The following STKLD1 variants were observed in gnomAD, a reference collection of about 807,000 sequenced individuals.
STKLD1 encodes serine/threonine kinase-like domain-containing protein STKLD1.
In STKLD1, 79 loss-of-function variants were observed where a neutral mutation model predicts 80.4. The observed-to-expected ratio is 0.98, with a 90% CI of 0.82 to 1.19. The LOEUF (loss-of-function observed/expected upper bound fraction) is 1.19, where lower values mean the gene tolerates loss of function less well. Among genes scored for constraint, STKLD1 ranks in the 50% most tolerant of loss-of-function variants. The probability of loss-of-function intolerance (pLI) is 0.00; values close to 1 mark genes in which losing one functional copy is unlikely to be tolerated. For synonymous variants in STKLD1, 393 were observed against 357.6 expected (o/e 1.10, Z -1.12); for missense variants, 841 against 856.0 (o/e 0.98, Z 0.22).
chr9:133,392,362 C>T (rs956035802), intron 7 of STKLD1, among the ~76,000 whole-genome samples: 12 of 152,046 alleles, frequency 7.9e-5, no homozygotes, highest in Non-Finnish European at 1.2e-4. Context: ...CCACCGCACC[C>T]GGCCACACTC....
chr9:133,393,521 GTAGGTGTA>G, intron 7 of STKLD1, among the ~76,000 whole-genome samples: 1 of 149,736 alleles, frequency 6.7e-6, no homozygotes, highest in African/African-American at 2.5e-5. Context: ...GTGTGGGTGG[GTAGGTGTA>G]TGGATGAATG....
intron 1 of STKLD1, among the ~76,000 whole-genome samples, chr9:133,377,901 A>G (rs1210143452): frequency 6.6e-6 from 1 of 152,186 alleles, no homozygotes; most frequent in Non-Finnish European, 1.5e-5. Flanking sequence ...CAACTAGACC[A>G]TCCTCTCGGG....
chr9:133,396,457 A>G (rs190573541), intron 9 of STKLD1, among the ~76,000 whole-genome samples: 6 of 152,004 alleles, frequency 3.9e-5, no homozygotes, highest in Admixed American at 1.3e-4. Context: ...ACAAAAACAT[A>G]TAACAAAGAA....
At position 133,385,663 on chromosome 9, in the gene STKLD1, A is replaced by G. The variant is rs2130275137; in HGVS notation, c.266A>G (p.Gln89Arg). ...CGGCACGCCCACATCTCTGTGTACCAGGAGCTGTTCATCACGTGGAATGGG... is the reference window on the plus strand; with the variant it reads ...CGGCACGCCCACATCTCTGTGTACCGGGAGCTGTTCATCACGTGGAATGGG... ...KLRHAHISVY[Q>R]ELFITWNGEI... Residue 89 changes from glutamine to arginine, a missense_variant, in exon 4 of 18, where the codon CAG becomes CGG. Coordinates refer to ENST00000371957, the MANE Select transcript of STKLD1 (RefSeq NM_153710.5). This position sits in a 1 kb window ranked among gnomAD's most constrained non-coding sequence, Gnocchi z 4.9. 18 of 1,613,186 alleles carry G rather than the reference A, an allele frequency of 1.1e-5. No individual in the cohort carries two copies. The South Asian group carries it at 1.9e-4, about 17-fold the overall frequency.
intron 4 of STKLD1, among the ~76,000 whole-genome samples, chr9:133,387,173 T>C (rs1838282623): frequency 6.6e-6 from 1 of 152,120 alleles, no homozygotes; most frequent in South Asian, 2.1e-4. Flanking sequence ...GAGGGGTCCA[T>C]GTGTGCAGTG....
intron 7 of STKLD1, among the ~76,000 whole-genome samples, chr9:133,393,575 A>AGATGGGTGGGTG (rs1838478431): frequency 8.2e-6 from 1 of 121,766 alleles, no homozygotes; most frequent in African/African-American, 3.0e-5. Context: ...ATGGGTGGGT[A>AGATGGGTGGGTG]TGTGGATGGA....
At position 133,385,484 on chromosome 9, in the gene STKLD1, C is replaced by T; in HGVS notation, c.220-133C>T. On this transcript the variant is annotated intron_variant, in intron 3 of 17. Coordinates refer to ENST00000371957, the MANE Select transcript of STKLD1 (RefSeq NM_153710.5). The surrounding 1 kb of genome is among the most constrained non-coding windows in gnomAD (Gnocchi z 4.9). The stretch of plus-strand genomic sequence containing the variant: ...TGGCTCCCAACCACCGTGCAGCTTC[C>T]CTGAGCCCACTCCCTGGCCCAGCTC... 1.2e-6 allele frequency: 1 copy of T among 842,682 alleles called. No individual in the cohort carries two copies. The highest frequency in any genetic ancestry group is 2.6e-5 in the East Asian group (1 of 38,508). The allele number at this position is 842,682 out of a possible 1,614,324, so 52.2% of individuals were successfully genotyped here.
chr9:133,390,601 T>G lies in STKLD1; in HGVS notation c.468-80T>G, dbSNP rs115159388. On this transcript the variant is annotated intron_variant, in intron 6 of 17. Transcript: ENST00000371957. This position sits in a 1 kb window ranked among gnomAD's most constrained non-coding sequence, Gnocchi z 5.1. ...AGAGAGTCAGGCTCAGCACACACAC[T>G]GGTCCCACCTGGGGTTGTGGGTGGT... The G allele has an allele frequency of 1.0e-3, 1,029 of 1,008,248 alleles. 4 individuals carry two copies. The African/African-American group carries it at 0.014, about 14-fold the overall frequency. The allele number at this position is 1,008,248 out of a possible 1,614,324, so 62.5% of individuals were successfully genotyped here. A position where few individuals can be genotyped will look rare whatever the true frequency, so the allele number is the denominator to read the frequency against.
rs1328082770 is a variant in STKLD1, at chr9:133,388,966, G to A, written c.397-560G>A. The A allele has an allele frequency of 1.2e-5, 12 of 985,246 alleles. No individual in the cohort carries two copies. The South Asian group carries it at 1.4e-4, about 12-fold the overall frequency. 61.0% of individuals were successfully genotyped at this position (985,246 alleles called of 1,614,324 possible). A position where few individuals can be genotyped will look rare whatever the true frequency, so the allele number is the denominator to read the frequency against. ...CTCTAACTGGGGGCAGTGGGAGGAC[G>A]CCCACATCCTGCCCCCTCAGCCCCT... On this transcript the variant is annotated intron_variant, in intron 5 of 17. Transcript: ENST00000371957.
At position 133,400,603 on chromosome 9, in the gene STKLD1, A is replaced by C. The variant is rs587717717; in HGVS notation, c.1198+74A>C. ...TCCTGCAGCTGTGCCTCCTGGGCCA[A>C]GGTGGGCACCGGGCCGGGTGGGTTA... On this transcript the variant is annotated intron_variant, in intron 12 of 17. Transcript: ENST00000371957. 84 of 1,273,454 alleles carry C rather than the reference A, an allele frequency of 6.6e-5. No homozygotes were observed. In the African/African-American group the frequency reaches 1.1e-3, roughly 17 times the overall value. 78.9% of individuals were successfully genotyped at this position (1,273,454 alleles called of 1,614,324 possible).
intron 11 of STKLD1, among the ~76,000 whole-genome samples, chr9:133,400,206 AG>A (rs1410304114): frequency 6.6e-6 from 1 of 152,188 alleles, no homozygotes; most frequent in African/African-American, 2.4e-5. Flanking sequence ...GCCACTTCAC[AG>A]GGCTGTGGGC....
intron 7 of STKLD1, among the ~76,000 whole-genome samples, chr9:133,392,640 TA>T (rs1838432140): frequency 1.1e-4 from 11 of 97,252 alleles, no homozygotes; most frequent in African/African-American, 2.3e-4. Context: ...GATGGATGGA[TA>T]GGTGGGTGGG....
At chr9:133,395,792 C>A (rs1564381763) in intron 9 of STKLD1, 29 bp downstream of exon 9, 6 of 1,606,932 alleles carry the variant, frequency 3.7e-6, no homozygotes, top group Non-Finnish European at 4.3e-6. Context: ...TTTATTTTAA[C>A]CTGTGGATTT....
intron 13 of STKLD1, 142 bp downstream of exon 13, chr9:133,402,020 C>T (rs17474001): frequency 0.12 from 134,078 of 1,072,680 alleles, 9,615 homozygotes; most frequent in Middle Eastern, 0.16. Context: ...GGCATTTGGC[C>T]GTCTTCATTT....
chr9:133,390,813 C>T lies in STKLD1; in HGVS notation c.583+17C>T, dbSNP rs2130287490. The T allele has an allele frequency of 3.1e-6, 5 of 1,603,068 alleles. No individual in the cohort carries two copies. The Admixed American group carries it at 5.0e-5, about 16-fold the overall frequency. Reference sequence around the variant, plus strand: ...CGGAGGAAGGTGGCAGGGGCTCCCCCAGGTTGTGGGAGAGGGGGTTGGCGC... The same window carrying T: ...CGGAGGAAGGTGGCAGGGGCTCCCCTAGGTTGTGGGAGAGGGGGTTGGCGC... On this transcript the variant is annotated intron_variant, in intron 7 of 17. Transcript: ENST00000371957. This position sits in a 1 kb window ranked among gnomAD's most constrained non-coding sequence, Gnocchi z 5.1.
In STKLD1 at chr9:133,405,548, C is replaced by T; in HGVS notation, c.*127C>T. The T allele has an allele frequency of 1.1e-6, 1 of 935,148 alleles. No homozygotes were observed. The highest frequency in any genetic ancestry group is 1.9e-5 in the South Asian group (1 of 53,484). The allele number at this position is 935,148 out of a possible 1,614,324, so 57.9% of individuals were successfully genotyped here. ...TTAAACGGGAGGGGTAATCAGACCT[C>T]TCCAAAGAGTTTCCTGTCCATGACT... is the stretch of plus-strand genomic sequence containing the variant. On this transcript the variant is annotated 3_prime_UTR_variant, in exon 18 of 18. Coordinates refer to ENST00000371957, the MANE Select transcript of STKLD1 (RefSeq NM_153710.5).
Position 133,384,150 on chromosome 9 carries a change from A to G in STKLD1, c.219+250A>G. The G allele has an allele frequency of 2.0e-6, 1 of 488,508 alleles. No individual in the cohort carries two copies. The highest frequency in any genetic ancestry group is 3.5e-5 in the East Asian group (1 of 28,282). The allele number at this position is 488,508 out of a possible 1,614,324, so 30.3% of individuals were successfully genotyped here. A position where few individuals can be genotyped will look rare whatever the true frequency, so the allele number is the denominator to read the frequency against. ...ATGTTCCCAGAGAACATAAAATTTA[A>G]ATATTGGGCTGGGCACGGTGGCTCA... On this transcript the variant is annotated intron_variant, in intron 3 of 17. Coordinates refer to ENST00000371957, the MANE Select transcript of STKLD1 (RefSeq NM_153710.5). This position sits in a 1 kb window ranked among gnomAD's most constrained non-coding sequence, Gnocchi z 4.3.
At chr9:133,383,066 G>A (rs911400875) in intron 2 of STKLD1, among the ~76,000 whole-genome samples, 16 of 149,950 alleles carry the variant, frequency 1.1e-4, no homozygotes, top group South Asian at 2.2e-4. Context: ...TGATGGTGAC[G>A]GTGGTGTTGA....
chr9:133,395,008 C>T (rs1838522535), intron 8 of STKLD1, among the ~76,000 whole-genome samples: 3 of 151,874 alleles, frequency 2.0e-5, no homozygotes, highest in African/African-American at 7.3e-5. Flanking sequence ...GCTTCCTATC[C>T]TCTATATGCA....
Sources: gnomAD v4.1 joint callset for allele counts (sites outside exome capture counted in the v4.1 genomes callset) on GRCh38, gnomAD v4.1.1 for gene constraint, Gnocchi (gnomAD v3.1) non-coding constraint, MANE v1.5 for transcripts, NCBI Gene and HGNC (gene_info 2026-07-23, HGNC 2026-07-21) for gene names.